TFDP2: variants seen among roughly 807,000 people sequenced by gnomAD.
TFDP2 encodes transcription factor Dp-2.
In TFDP2, 17 loss-of-function variants were observed where a neutral mutation model predicts 59.3. That is an observed-to-expected ratio of 0.29 (90% CI 0.20 to 0.43). TFDP2 has a LOEUF of 0.43. Among genes scored for constraint, TFDP2 ranks in the 20% least tolerant of loss-of-function variants. TFDP2 has a pLI of 1.00. For synonymous variants in TFDP2, 180 were observed against 194.7 expected, an observed-to-expected ratio of 0.92 and a Z score of 0.63; for missense variants, 391 against 528.8, an observed-to-expected ratio of 0.74 and a Z score of 2.56.
intron 4 of TFDP2, among the ~76,000 whole-genome samples, chr3:141,999,822 G>A (rs1576642834): frequency 6.6e-6 from 1 of 150,500 alleles, no homozygotes; most frequent in South Asian, 2.1e-4. Flanking sequence ...TGCAAGCTCC[G>A]CCTCCCGGGT....
rs528240159 is a variant in TFDP2, at chr3:142,121,845, G to A, written c.-92-20004C>T. Among the ~76,000 whole-genome samples, 12 of 46,146 alleles carry A rather than the reference G, an allele frequency of 2.6e-4. No homozygotes were observed. The highest frequency in any genetic ancestry group is 1.2e-3 in the African/African-American group (9 of 7,284). 30.3% of individuals were successfully genotyped at this position (46,146 alleles called of 152,430 possible). ...GAAACCCTGTCTCTACTAAAAATAC[G>A]AAGTTAAAAAAAAAAAAACTTCATT... On this transcript the variant is annotated intron_variant, in intron 1 of 12. Transcript: ENST00000489671. The surrounding 1 kb of genome is among the most constrained non-coding windows in gnomAD (Gnocchi z 4.3).
chr3:142,042,633 T>TTC (rs1392998414), intron 3 of TFDP2, among the ~76,000 whole-genome samples: 43 of 95,774 alleles, frequency 4.5e-4, no homozygotes, highest in African/African-American at 8.7e-4. Flanking sequence ...TTCTTTTCTT[T>TTC]TTTTTTTTTT....
intron 3 of TFDP2, among the ~76,000 whole-genome samples, chr3:142,008,757 T>C (rs1207765305): frequency 6.6e-6 from 1 of 152,152 alleles, no homozygotes; most frequent in Non-Finnish European, 1.5e-5. Context: ...CACATATATA[T>C]GCACACATAC....
At chr3:142,010,043 T>C (rs1476541108) in intron 3 of TFDP2, among the ~76,000 whole-genome samples, 1 of 152,144 alleles carries the variant, frequency 6.6e-6, no homozygotes, top group Middle Eastern at 3.2e-3. Flanking sequence ...TCAGATATCT[T>C]AAGTGAAAAG....
chr3:142,019,560 C>T (rs1945429263), intron 3 of TFDP2, among the ~76,000 whole-genome samples: 2 of 151,984 alleles, frequency 1.3e-5, no homozygotes, highest in Non-Finnish European at 2.9e-5. Context: ...TTTTACTTAT[C>T]GTATAGGTTT....
chr3:142,103,266 A>G (rs975925412), intron 1 of TFDP2, among the ~76,000 whole-genome samples: 3 of 151,992 alleles, frequency 2.0e-5, no homozygotes, highest in African/African-American at 7.2e-5. Context: ...AAAAAATTTA[A>G]AAAAAGACTA....
At chr3:142,078,802 A>C (rs142669305) in intron 3 of TFDP2, among the ~76,000 whole-genome samples, 1 of 152,290 alleles carries the variant, frequency 6.6e-6, no homozygotes, top group African/African-American at 2.4e-5. Context: ...AAATGAACTA[A>C]GTAAGACACC....
At chr3:141,985,755 AAAAT>A (rs1942033239) in intron 6 of TFDP2, among the ~76,000 whole-genome samples, 1 of 152,180 alleles carries the variant, frequency 6.6e-6, no homozygotes, top group East Asian at 1.9e-4. Context: ...ACACAAGAAA[AAAAT>A]AAGTTAATTA....
At chr3:141,968,337 A>AACAT (rs1938517240) in intron 9 of TFDP2, among the ~76,000 whole-genome samples, 1 of 119,642 alleles carries the variant, frequency 8.4e-6, no homozygotes, top group African/African-American at 2.9e-5. Flanking sequence ...TAATATATAT[A>AACAT]ATATATAACT....
intron 1 of TFDP2, among the ~76,000 whole-genome samples, chr3:142,136,597 A>G (rs1286100492): frequency 1.3e-5 from 2 of 152,044 alleles, no homozygotes; most frequent in Non-Finnish European, 2.9e-5. Flanking sequence ...TAATTTTTAT[A>G]TAAGGTGTAA....
At chr3:142,080,579 C>T (rs2060605106) in intron 3 of TFDP2, among the ~76,000 whole-genome samples, 2 of 152,106 alleles carry the variant, frequency 1.3e-5, no homozygotes, top group African/African-American at 4.8e-5. Flanking sequence ...AAACAAGATC[C>T]AATGACTTGT....
intron 9 of TFDP2, among the ~76,000 whole-genome samples, chr3:141,967,266 C>A (rs1391525491): frequency 6.6e-6 from 1 of 150,556 alleles, no homozygotes; most frequent in Non-Finnish European, 1.5e-5. Context: ...AGGAAAAAAA[C>A]TGAAATGCTA....
At chr3:142,094,983 A>G (rs2061116425) in intron 2 of TFDP2, among the ~76,000 whole-genome samples, 1 of 150,988 alleles carries the variant, frequency 6.6e-6, no homozygotes, top group Admixed American at 6.6e-5. Context: ...CTGACTACTT[A>G]TATTTTTCTT....
chr3:142,096,658 A>G (rs1206614079), intron 2 of TFDP2, among the ~76,000 whole-genome samples: 1 of 152,190 alleles, frequency 6.6e-6, no homozygotes, highest in Non-Finnish European at 1.5e-5. Flanking sequence ...TACTGAATTC[A>G]AAGTATTTAA....
intron 3 of TFDP2, among the ~76,000 whole-genome samples, chr3:142,081,098 C>T (rs2060624471): frequency 1.3e-5 from 2 of 152,160 alleles, no homozygotes; most frequent in African/African-American, 2.4e-5. Context: ...ACAAAACAGT[C>T]TTAAAACATT....
rs140313725 is a variant in TFDP2, at chr3:142,127,631, C to T, written c.-93+21552G>A. ...GATTACAGAAGTGAGCCACTGTACC[C>T]GGTCAGTATTCTGCTTTTTTAATAA... On this transcript the variant is annotated intron_variant, in intron 1 of 12. Transcript: ENST00000489671. Among the ~76,000 whole-genome samples, 903 of 152,112 alleles carry T rather than the reference C, an allele frequency of 5.9e-3. 13 individuals are homozygous for T. Among genetic ancestry groups the T allele is most frequent in the African/African-American group, 0.021 (871 of 41,506 alleles).
At chr3:141,985,795 C>G (rs1011479773) in intron 6 of TFDP2, among the ~76,000 whole-genome samples, 12 of 152,042 alleles carry the variant, frequency 7.9e-5, no homozygotes, top group African/African-American at 1.2e-4. Flanking sequence ...AACATTTGTG[C>G]CTCAAAAGAC....
intron 6 of TFDP2, among the ~76,000 whole-genome samples, chr3:141,991,282 T>C (rs760281941): frequency 6.6e-6 from 1 of 152,206 alleles, no homozygotes; most frequent in Non-Finnish European, 1.5e-5. Flanking sequence ...CTTAAATGTA[T>C]AGTATTGTAT....
At chr3:141,965,664 G>C (rs1937927036) in intron 9 of TFDP2, among the ~76,000 whole-genome samples, 1 of 151,744 alleles carries the variant, frequency 6.6e-6, no homozygotes, top group South Asian at 2.1e-4. Context: ...ATCTTAAAAT[G>C]GCTGAGTGCT....
Sources: gnomAD v4.1 joint callset for allele counts (sites outside exome capture counted in the v4.1 genomes callset) on GRCh38, gnomAD v4.1.1 for gene constraint, Gnocchi (gnomAD v3.1) non-coding constraint, MANE v1.5 for transcripts, NCBI Gene and HGNC (gene_info 2026-07-23, HGNC 2026-07-21) for gene names.